The following CSF1R variants were observed in gnomAD, a reference collection of about 807,000 sequenced individuals.
CSF1R encodes colony stimulating factor 1 receptor.
A neutral mutation model predicts 110.0 loss-of-function variants in CSF1R; 40 were observed. That is an observed-to-expected ratio of 0.36 (90% confidence interval 0.28 to 0.47). The LOEUF (loss-of-function observed/expected upper bound fraction) is 0.47. Among genes scored for constraint, CSF1R ranks in the 20% least tolerant of loss-of-function variants. CSF1R has a pLI of 0.99. For synonymous variants in CSF1R, 523 were observed against 503.4 expected (o/e 1.04, Z -0.52); for missense variants, 1,052 against 1,253.0 (o/e 0.84, Z 2.42).
In CSF1R at chr5:150,059,733, TTA is replaced by T; in HGVS notation, c.2097_2098del (p.Tyr699Ter). The T allele has an allele frequency of 1.2e-6, 2 of 1,614,174 alleles. No individual in the cohort carries two copies. The highest frequency in any genetic ancestry group is 3.3e-5 in the Admixed American group (2 of 60,018). On this transcript the variant is annotated stop_gained and frameshift_variant, in exon 14 of 21. Coordinates refer to ENST00000675795, the MANE Select transcript of CSF1R (RefSeq NM_001288705.3). LOFTEE classifies it high-confidence loss of function. ...ATATTTCTTCTCGAGGTGGATGTTC[TTA>T]TAGTCGACGCCTCCCTCGGGGTCCT...
Position 150,077,441 on chromosome 5 carries a change from G to A in CSF1R, c.730-6C>T, listed in dbSNP as rs749242128. On this transcript the variant is annotated splice_polypyrimidine_tract_variant and splice_region_variant and intron_variant, in intron 4 of 20. Coordinates refer to ENST00000675795, the MANE Select transcript of CSF1R (RefSeq NM_001288705.3). ...GATTGTTGAGGGATTGCGAGCTGCAGCCAGAAGGAATGGAGATGTTATACC... is the reference window on the plus strand; with the variant it reads ...GATTGTTGAGGGATTGCGAGCTGCAACCAGAAGGAATGGAGATGTTATACC... 2.1e-5 allele frequency: 34 copies of A among 1,609,730 alleles called. No homozygotes were observed. The highest frequency in any genetic ancestry group is 2.6e-5 in the Non-Finnish European group (30 of 1,176,444).
chr5:150,055,429 C>A, intron 18 of CSF1R, 93 bp from the exon 19 acceptor site: 2 of 1,057,584 alleles, frequency 1.9e-6, no homozygotes, highest in South Asian at 1.3e-5. Context: ...TTTAAAGGGT[C>A]CCACTTGACA....
At chr5:150,061,444 G>GCCGGGGC in intron 12 of CSF1R, 47 bp downstream of exon 12, 1 of 584,966 alleles carries the variant, frequency 1.7e-6, no homozygotes, top group Non-Finnish European at 2.6e-6. Flanking sequence ...CCCACCCCCA[G>GCCGGGGC]CATCTACCAC....
intron 1 of CSF1R, among the ~76,000 whole-genome samples, chr5:150,109,058 G>GCCCCGCC (rs1759634877): frequency 1.7e-5 from 2 of 119,738 alleles, no homozygotes; most frequent in Non-Finnish European, 3.7e-5. Flanking sequence ...GGAGAAGCCC[G>GCCCCGCC]CCCCCCCCCC....
chr5:150,094,547 T>A (rs1283781442), intron 1 of CSF1R: 1 of 1,597,830 alleles, frequency 6.3e-7, no homozygotes, highest in Non-Finnish European at 8.5e-7. Flanking sequence ...GCAACTTCTA[T>A]GTACCTGCAG....
At chr5:150,097,228 G>T (rs190538401) in intron 1 of CSF1R, among the ~76,000 whole-genome samples, 1 of 149,954 alleles carries the variant, frequency 6.7e-6, no homozygotes, top group East Asian at 2.0e-4. Context: ...CTCTAGCCTG[G>T]GTGACAAAGT....
At chr5:150,055,780 G>C (rs1757185342) in intron 18 of CSF1R, among the ~76,000 whole-genome samples, 1 of 152,242 alleles carries the variant, frequency 6.6e-6, no homozygotes, top group Non-Finnish European at 1.5e-5. Context: ...AGTGACAAAG[G>C]AGGGTAACAG....
intron 2 of CSF1R, 39 bp from the exon 3 acceptor site, chr5:150,080,375 C>G: frequency 1.3e-6 from 2 of 1,593,830 alleles, no homozygotes; most frequent in Non-Finnish European, 1.7e-6. Context: ...ACTGCCCTCC[C>G]TCCACTGGGC....
At position 150,060,910 on chromosome 5, in the gene CSF1R, C is replaced by T; in HGVS notation, c.1921G>A (p.Gly641Ser). 6.2e-7 allele frequency: 1 copy of T among 1,611,556 alleles called. No homozygotes were observed. Among genetic ancestry groups the T allele is most frequent in the Non-Finnish European group, 8.5e-7 (1 of 1,178,940 alleles). Residue 641 changes from glycine to serine, a missense_variant, in exon 13 of 21, where the codon GGC becomes AGC. Transcript: ENST00000675795. The stretch of plus-strand genomic sequence containing the variant: ...AGGTTGACGATGTTCTCGTGCTGGC[C>T]CAGGTGGCTCATGATCTTCAGCTCG... Reference protein sequence around the residue: ...MSELKIMSHLGQHENIVNLLG... With the variant: ...MSELKIMSHLSQHENIVNLLG...
chr5:150,092,926 GTCTC>G (rs59570217), intron 1 of CSF1R, among the ~76,000 whole-genome samples: 3,555 of 151,556 alleles, frequency 0.023, 144 homozygotes, highest in African/African-American at 0.082. Context: ...CGTGAATGTA[GTCTC>G]TCTCTCTCTC....
intron 12 of CSF1R, 78 bp from the exon 13 acceptor site, chr5:150,061,050 T>C: frequency 2.0e-6 from 2 of 1,014,594 alleles, no homozygotes; most frequent in Non-Finnish European, 3.0e-6. Context: ...GGGGACCAAA[T>C]GCAGAGACCC....
intron 10 of CSF1R, chr5:150,067,331 C>G (rs945305512): frequency 6.6e-6 from 1 of 152,172 alleles, no homozygotes; most frequent in Non-Finnish European, 1.5e-5. Flanking sequence ...TTGGGACATG[C>G]TTTGGAGTGA....
At chr5:150,105,834 AT>A (rs1307970270) in intron 1 of CSF1R, among the ~76,000 whole-genome samples, 1 of 152,020 alleles carries the variant, frequency 6.6e-6, no homozygotes, top group African/African-American at 2.4e-5. Flanking sequence ...ACTCCCTAAT[AT>A]TTTCTGAGTG....
In CSF1R at chr5:150,053,530, G is replaced by T. The variant is rs373206666; in HGVS notation, c.*539C>A. On this transcript the variant is annotated 3_prime_UTR_variant, in exon 21 of 21. Transcript: ENST00000675795. ...GGGGTGGGAGGGGTGAGGCTGTGGAGTGAAGGCGGCGTATAGGGCAGAGAC... is the reference window on the plus strand; with the variant it reads ...GGGGTGGGAGGGGTGAGGCTGTGGATTGAAGGCGGCGTATAGGGCAGAGAC... 2 of 235,458 alleles carry T rather than the reference G, an allele frequency of 8.5e-6. No homozygotes were observed. Among genetic ancestry groups the T allele is most frequent in the South Asian group, 1.8e-4 (1 of 5,688 alleles). 14.6% of individuals were successfully genotyped at this position (235,458 alleles called of 1,614,324 possible).
intron 16 of CSF1R, 71 bp from the exon 17 acceptor site, chr5:150,056,412 G>C: frequency 6.3e-7 from 1 of 1,586,484 alleles, no homozygotes; most frequent in Non-Finnish European, 8.6e-7. Flanking sequence ...AGGATGGCAG[G>C]GAGGGCCCCA....
intron 16 of CSF1R, among the ~76,000 whole-genome samples, chr5:150,056,745 A>C (rs1757234653): frequency 6.6e-6 from 1 of 152,098 alleles, no homozygotes; most frequent in Non-Finnish European, 1.5e-5. Context: ...TCTTTTCAAC[A>C]ATCGTTATGC....
chr5:150,083,460 G>A (rs1758654676), intron 1 of CSF1R, among the ~76,000 whole-genome samples: 1 of 151,288 alleles, frequency 6.6e-6, no homozygotes, highest in Non-Finnish European at 1.5e-5. Context: ...CAGTAATGAA[G>A]AGAGAGCCCC....
chr5:150,111,391 G>T (rs999451436), intron 1 of CSF1R, among the ~76,000 whole-genome samples: 1 of 152,218 alleles, frequency 6.6e-6, no homozygotes, highest in Non-Finnish European at 1.5e-5. Context: ...GGAGGCAGGA[G>T]CCCAGCAGGG....
At chr5:150,109,053 A>ACCCCCCC (rs1260938867) in intron 1 of CSF1R, among the ~76,000 whole-genome samples, 1 of 41,504 alleles carries the variant, frequency 2.4e-5, no homozygotes, top group Non-Finnish European at 5.1e-5. Flanking sequence ...CCCAAGGAGA[A>ACCCCCCC]GCCCGCCCCC....
Sources: allele counts gnomAD v4.1 joint callset (sites outside exome capture counted in the v4.1 genomes callset), GRCh38; gene constraint gnomAD v4.1.1; transcripts MANE v1.5; gene names NCBI Gene and HGNC (gene_info 2026-07-23, HGNC 2026-07-21).